The following MACF1 variants were observed in gnomAD, a reference collection of about 807,000 sequenced individuals.
MACF1 encodes microtubule actin crosslinking factor 1.
A neutral mutation model predicts 854.8 loss-of-function variants in MACF1; 193 were observed. The ratio of observed to expected loss-of-function variants is 0.23; its 90% confidence interval spans 0.20 to 0.25. The LOEUF is 0.25. Among genes scored for constraint, MACF1 ranks in the 10% least tolerant of loss-of-function variants. The probability of loss-of-function intolerance (pLI) is 1.00; values close to 1 mark genes in which losing one functional copy is unlikely to be tolerated. For missense variants in MACF1, 7,722 were observed against 8,929.1 expected (o/e 0.86, Z 5.45); for synonymous variants, 3,185 against 3,226.7 (o/e 0.99, Z 0.44).
At chr1:39,342,138 G>A (rs1646948253) in intron 40 of MACF1, among the ~76,000 whole-genome samples, 1 of 150,820 alleles carries the variant, frequency 6.6e-6, no homozygotes, top group Non-Finnish European at 1.5e-5. Context: ...TTATAAGTGA[G>A]AACATGCCAT....
At chr1:39,412,924 T>G (rs771216792) in intron 58 of MACF1, 1 of 1,605,782 alleles carries the variant, frequency 6.2e-7, no homozygotes, top group South Asian at 1.1e-5. Flanking sequence ...CCTAGTTGCT[T>G]CAATAGTCTC....
chr1:39,147,538 TC>T (rs2148192083), intron 2 of MACF1, among the ~76,000 whole-genome samples: 1 of 151,174 alleles, frequency 6.6e-6, no homozygotes, highest in African/African-American at 2.4e-5. Context: ...TCTTTCTTCT[TC>T]AACAGGGTCT....
intron 2 of MACF1, among the ~76,000 whole-genome samples, chr1:39,192,142 C>T (rs1245667873): frequency 6.6e-6 from 1 of 152,130 alleles, no homozygotes; most frequent in Non-Finnish European, 1.5e-5. Context: ...CACAGCAAGA[C>T]TCTGTCTCAA....
chr1:39,387,532 G>A lies in MACF1; in HGVS notation c.14690G>A (p.Arg4897Lys), dbSNP rs617368. The A allele has an allele frequency of 1.6e-4, 260 of 1,614,002 alleles. No individual in the cohort carries two copies. The highest frequency in any genetic ancestry group is 2.3e-4 in the Admixed American group (14 of 59,988). ...AAAAAAACTGCAGACAGACAATCCAGGCTCAAGGATTGTATGCAGAAAGCT... is the reference window on the plus strand; with the variant it reads ...AAAAAAACTGCAGACAGACAATCCAAGCTCAAGGATTGTATGCAGAAAGCT... ...LSKKTADRQS[R>K]LKDCMQKAQK... Residue 4897 changes from arginine to lysine, a missense_variant, in exon 58 of 101, where the codon AGG becomes AAG. Transcript: ENST00000564288.
chr1:39,377,359 T>C (rs1281677934), intron 52 of MACF1, among the ~76,000 whole-genome samples: 1 of 152,214 alleles, frequency 6.6e-6, no homozygotes, highest in Non-Finnish European at 1.5e-5. Context: ...TACAGTGAAG[T>C]CAGTGCATAT....
chr1:39,101,498 G>C (rs922725281), intron 2 of MACF1, among the ~76,000 whole-genome samples: 6 of 151,220 alleles, frequency 4.0e-5, no homozygotes, highest in Non-Finnish European at 7.4e-5. Context: ...CAAAGTGTTG[G>C]GATTACAGGT....
intron 80 of MACF1, among the ~76,000 whole-genome samples, chr1:39,447,113 A>G (rs113699921): frequency 1.4e-4 from 21 of 152,214 alleles, no homozygotes; most frequent in African/African-American, 4.8e-4. Context: ...TGTCACCACT[A>G]AAGGGTCTGT....
At chr1:39,410,890 T>G in intron 58 of MACF1, 1 of 1,613,996 alleles carries the variant, frequency 6.2e-7, no homozygotes, top group Non-Finnish European at 8.5e-7. Flanking sequence ...GGTGCAAGAT[T>G]TTAAAAACTT....
At chr1:39,461,003 G>A (rs985488717) in intron 92 of MACF1, among the ~76,000 whole-genome samples, 1 of 151,490 alleles carries the variant, frequency 6.6e-6, no homozygotes, top group Non-Finnish European at 1.5e-5. Context: ...AATCACCTGA[G>A]CCTGGGGAGG....
Position 39,357,841 on chromosome 1 carries a change from T to C in MACF1, c.11891T>C (p.Val3964Ala). ...GKEPSEIGNLVKDKLKDATER... is the reference protein window; with the variant it reads ...GKEPSEIGNLAKDKLKDATER... ...GAACCATCAGAAATTGGAAACTTAG[T>C]AAAGGACAAGTTGAAGGATGCAACA... The change falls in exon 45 of 101, where the codon GTA (valine) becomes GCA (alanine). Residue 3964 changes from valine (V) to alanine (A), a missense_variant. Val to Ala is a moderately conservative substitution (Grantham distance 64). This residue lies in a region of MACF1 where 2,807 missense variants were observed against 3,235.8 expected (regional missense o/e 0.87). Transcript: ENST00000564288. The C allele has an allele frequency of 6.2e-7, 1 of 1,614,036 alleles. No individual in the cohort carries two copies. Among genetic ancestry groups the C allele is most frequent in the Non-Finnish European group, 8.5e-7 (1 of 1,180,006 alleles).
At chr1:39,142,037 C>A (rs1643356953) in intron 2 of MACF1, among the ~76,000 whole-genome samples, 1 of 152,162 alleles carries the variant, frequency 6.6e-6, no homozygotes, top group Non-Finnish European at 1.5e-5. Context: ...GCAGGCAGTT[C>A]CGGCAGCATT....
intron 1 of MACF1, among the ~76,000 whole-genome samples, chr1:39,230,977 G>C (rs994311466): frequency 1.3e-5 from 2 of 152,188 alleles, no homozygotes; most frequent in South Asian, 2.1e-4. Flanking sequence ...GGCACGTGGT[G>C]ATTCTGTCTG....
At position 39,352,998 on chromosome 1, in the gene MACF1, G is replaced by C; in HGVS notation, c.11200-9G>C. On this transcript the variant is annotated splice_polypyrimidine_tract_variant and intron_variant, in intron 43 of 100. Coordinates refer to ENST00000564288, the MANE Select transcript of MACF1 (RefSeq NM_001394062.1). ...AGCCTTCTCACTAGACTACCTCGGT[G>C]GCTTTCAGAGTAAAGCAGCAAAGGA... The C allele has an allele frequency of 6.2e-7, 1 of 1,602,258 alleles. No individual in the cohort carries two copies. The highest frequency in any genetic ancestry group is 1.7e-5 in the Admixed American group (1 of 59,952).
At chr1:39,134,568 G>A (rs1643115652) in intron 2 of MACF1, among the ~76,000 whole-genome samples, 1 of 152,088 alleles carries the variant, frequency 6.6e-6, no homozygotes, top group Non-Finnish European at 1.5e-5. Flanking sequence ...TGGCTCTGTG[G>A]TCTTAAACAG....
rs1217328487 is a variant in MACF1 at position 39,458,478 on chromosome 1, C to T, written c.21184C>T (p.Arg7062Cys). The change falls in exon 90 of 101, where the codon CGC (arginine) becomes TGC (cysteine). Residue 7062 changes from arginine (R) to cysteine (C), a missense_variant. Physicochemically the swap from Arg to Cys is radical, Grantham distance 180 (BLOSUM62 -3). Coordinates refer to ENST00000564288, the MANE Select transcript of MACF1 (RefSeq NM_001394062.1). ...PTHAPFIEKS[R>C]SGGRKSLSQP... ...TCACGCGCCTTTCATAGAGAAATCC[C>T]GCAGCGGAGGCAGTATGTTTCCAGC... 20 of 1,613,208 alleles carry T rather than the reference C, an allele frequency of 1.2e-5. No homozygotes were observed. The highest frequency in any genetic ancestry group is 4.0e-5 in the African/African-American group (3 of 74,866).
intron 20 of MACF1, among the ~76,000 whole-genome samples, chr1:39,296,815 G>A (rs143041999): frequency 0.32 from 14,194 of 44,346 alleles, 742 homozygotes; most frequent in East Asian, 0.4. Context: ...AGAAAGAAAG[G>A]AAGGAAGGAA....
At chr1:39,438,616 A>C (rs1306515005) in intron 71 of MACF1, among the ~76,000 whole-genome samples, 2 of 149,388 alleles carry the variant, frequency 1.3e-5, no homozygotes, top group Admixed American at 6.7e-5. Context: ...GAAATTTTGT[A>C]AAAATACAAG....
At chr1:39,311,401 C>T (rs897726945) in intron 26 of MACF1, among the ~76,000 whole-genome samples, 12 of 152,144 alleles carry the variant, frequency 7.9e-5, no homozygotes, top group Non-Finnish European at 1.6e-4. Context: ...TGAATGTGGG[C>T]TCTGATACAT....
At chr1:39,215,912 A>C (rs918843523) in intron 1 of MACF1, among the ~76,000 whole-genome samples, 3 of 152,084 alleles carry the variant, frequency 2.0e-5, no homozygotes, top group Admixed American at 2.0e-4. Flanking sequence ...AGAGAAAAAG[A>C]CTCAAAGATG....
Sources: gnomAD v4.1 joint callset for allele counts (sites outside exome capture counted in the v4.1 genomes callset) on GRCh38, gnomAD v4.1.1 for gene constraint, gnomAD v4.1.1 regional missense constraint, MANE v1.5 for transcripts, NCBI Gene and HGNC (gene_info 2026-07-23, HGNC 2026-07-21) for gene names.